Variants in LPP observed in about 807,000 individuals in gnomAD.
The protein encoded by LPP is LIM domain containing preferred translocation partner in lipoma.
In LPP, 38 loss-of-function variants were observed where a neutral mutation model predicts 60.4. The observed-to-expected ratio is 0.63, with a 90% CI of 0.49 to 0.83. The LOEUF (loss-of-function observed/expected upper bound fraction) is 0.83, where lower values mean the gene tolerates loss of function less well. Ranked by LOEUF, LPP falls within the 40% of genes least tolerant of loss-of-function variation. The probability of loss-of-function intolerance (pLI) is 0.00; values close to 1 mark genes in which losing one functional copy is unlikely to be tolerated. For missense variants in LPP, 902 were observed against 783.6 expected, an observed-to-expected ratio of 1.15 and a Z score of -1.80; for synonymous variants, 328 against 290.8, an observed-to-expected ratio of 1.13 and a Z score of -1.30.
chr3:188,690,972 C>T (rs766126187), intron 7 of LPP, among the ~76,000 whole-genome samples: 1 of 152,058 alleles, frequency 6.6e-6, no homozygotes, highest in Admixed American at 6.6e-5. Flanking sequence ...CCCTTTCTTT[C>T]TTCCTTTAAG....
intron 4 of LPP, among the ~76,000 whole-genome samples, chr3:188,423,027 G>A (rs986942692): frequency 2.7e-5 from 4 of 150,474 alleles, no homozygotes; most frequent in African/African-American, 9.8e-5. Context: ...GTATACACAT[G>A]CCATGGTGGT....
At chr3:188,422,911 CT>C (rs372250640) in intron 4 of LPP, among the ~76,000 whole-genome samples, 1,368 of 108,594 alleles carry the variant, frequency 0.013, 10 homozygotes, top group South Asian at 0.046. Context: ...TTGGTGTCTT[CT>C]TTGTGTGTGT....
intron 6 of LPP, among the ~76,000 whole-genome samples, chr3:188,526,741 T>C (rs924734388): frequency 1.3e-5 from 2 of 152,194 alleles, no homozygotes; most frequent in Non-Finnish European, 2.9e-5. Flanking sequence ...AGTAAAAATA[T>C]ACTTTGTCCC....
At chr3:188,567,329 T>C (rs993695211) in intron 6 of LPP, among the ~76,000 whole-genome samples, 1 of 151,936 alleles carries the variant, frequency 6.6e-6, no homozygotes, top group Admixed American at 6.6e-5. Flanking sequence ...ATAGGATTGT[T>C]AGGACTATTA....
intron 1 of LPP, among the ~76,000 whole-genome samples, chr3:188,183,489 G>A (rs751788024): frequency 2.0e-5 from 3 of 152,112 alleles, no homozygotes; most frequent in Admixed American, 6.5e-5. Context: ...GGGAGCCCCC[G>A]GTCAACTTCT....
intron 9 of LPP, among the ~76,000 whole-genome samples, chr3:188,781,437 G>T (rs1346604616): frequency 1.3e-5 from 2 of 152,032 alleles, no homozygotes; most frequent in Non-Finnish European, 2.9e-5. Context: ...CCTGATACTG[G>T]GCAATTATAA....
At chr3:188,702,621 A>G (rs1011715130) in intron 7 of LPP, among the ~76,000 whole-genome samples, 2 of 152,200 alleles carry the variant, frequency 1.3e-5, no homozygotes, top group African/African-American at 4.8e-5. Flanking sequence ...GGAGTCCTCT[A>G]AAATCTGTCG....
chr3:188,215,715 C>T (rs1414846238), intron 1 of LPP, among the ~76,000 whole-genome samples: 1 of 152,136 alleles, frequency 6.6e-6, no homozygotes, highest in African/African-American at 2.4e-5. Flanking sequence ...AGAACAGCAA[C>T]CAGAGACTTC....
At chr3:188,486,131 C>T (rs1416199942) in intron 5 of LPP, among the ~76,000 whole-genome samples, 1 of 151,574 alleles carries the variant, frequency 6.6e-6, no homozygotes, top group Non-Finnish European at 1.5e-5. Context: ...TAAACATATA[C>T]CTTTGTATAT....
Position 188,874,640 on chromosome 3 carries a change from G to A in LPP, c.*161G>A. On this transcript the variant is annotated 3_prime_UTR_variant, in exon 12 of 12. Transcript: ENST00000617246. ...AATTATGAGATTTTTTTTAAAAGTT[G>A]TTACCAAATACACATTTCACATTGA... is the stretch of plus-strand genomic sequence containing the variant. 2 of 777,702 alleles carry A rather than the reference G, an allele frequency of 2.6e-6. No individual in the cohort carries two copies. The highest frequency in any genetic ancestry group is 2.2e-5 in the South Asian group (1 of 45,402). The allele number at this position is 777,702 out of a possible 1,614,324, so 48.2% of individuals were successfully genotyped here. A position where few individuals can be genotyped will look rare whatever the true frequency, so the allele number is the denominator to read the frequency against.
chr3:188,691,386 G>A lies in LPP; in HGVS notation c.1114-16881G>A, dbSNP rs1292382305. ...TTTAATTTCCTTAGCACTGAATGAGGGCAATAAAAGTAACCACCTAATCAA... is the reference window on the plus strand; with the variant it reads ...TTTAATTTCCTTAGCACTGAATGAGAGCAATAAAAGTAACCACCTAATCAA... On this transcript the variant is annotated intron_variant, in intron 7 of 11. Coordinates refer to ENST00000617246, the MANE Select transcript of LPP (RefSeq NM_001375462.1). Among the ~76,000 whole-genome samples, 3 of 152,038 alleles carry A rather than the reference G, an allele frequency of 2.0e-5. No homozygotes were observed. In the South Asian group the frequency reaches 6.2e-4, roughly 32 times the overall value.
intron 7 of LPP, among the ~76,000 whole-genome samples, chr3:188,672,622 C>G (rs1857167340): frequency 1.3e-5 from 2 of 152,162 alleles, no homozygotes; most frequent in Non-Finnish European, 2.9e-5. Flanking sequence ...GCTTCTTAAC[C>G]CTGGGCAGAG....
chr3:188,656,919 A>G (rs1853345557), intron 7 of LPP, among the ~76,000 whole-genome samples: 1 of 152,178 alleles, frequency 6.6e-6, no homozygotes, highest in Non-Finnish European at 1.5e-5. Flanking sequence ...TGAGAATTCA[A>G]GCTTTCCAAT....
In LPP at chr3:188,299,679, A is replaced by T. The variant is rs553668054; in HGVS notation, c.-66-41984A>T. ...TTTTTGATTCTTGGTTCTTGTTTTT[A>T]AAAAAATAGGATGTTGGACCTTGGG... On this transcript the variant is annotated intron_variant, in intron 2 of 11. Coordinates refer to ENST00000617246, the MANE Select transcript of LPP (RefSeq NM_001375462.1). 6.6e-5 allele frequency among the ~76,000 whole-genome samples: 10 copies of T among 151,450 alleles called. No individual in the cohort carries two copies. In the South Asian group the frequency reaches 8.3e-4, roughly 13 times the overall value.
intron 3 of LPP, among the ~76,000 whole-genome samples, chr3:188,363,027 ATTTTATTTAT>A (rs1311917317): frequency 2.7e-4 from 18 of 66,562 alleles, no homozygotes; most frequent in Non-Finnish European, 6.3e-5. Flanking sequence ...TTATCTATTT[ATTTTATTTAT>A]TTTTTTTTTT....
intron 1 of LPP, chr3:188,179,718 T>C (rs1406996892): frequency 2.9e-6 from 1 of 350,502 alleles, no homozygotes; most frequent in Non-Finnish European, 5.6e-6. Context: ...TTGTGAGAAA[T>C]GGGCATCCTG....
At chr3:188,350,634 G>GGT (rs1765592356) in intron 3 of LPP, among the ~76,000 whole-genome samples, 3 of 152,208 alleles carry the variant, frequency 2.0e-5, no homozygotes, top group Admixed American at 2.0e-4. Context: ...CACACAGCCA[G>GGT]GTTATCCACT....
chr3:188,821,656 A>G (rs1354360099), intron 9 of LPP, among the ~76,000 whole-genome samples: 1 of 152,078 alleles, frequency 6.6e-6, no homozygotes. Flanking sequence ...CAATTTACAT[A>G]TTTATGCTTA....
chr3:188,275,214 T>C (rs1263447620), intron 2 of LPP, among the ~76,000 whole-genome samples: 2 of 152,240 alleles, frequency 1.3e-5, no homozygotes, highest in Admixed American at 6.5e-5. Flanking sequence ...TACATTTCCC[T>C]TGATTCTCTG....
Sources: gnomAD v4.1 joint callset for allele counts (sites outside exome capture counted in the v4.1 genomes callset) on GRCh38, gnomAD v4.1.1 for gene constraint, MANE v1.5 for transcripts, NCBI Gene and HGNC (gene_info 2026-07-23, HGNC 2026-07-21) for gene names.